Variants in MAD1L1 observed in about 807,000 individuals in gnomAD.
The protein encoded by MAD1L1 is mitotic arrest deficient 1 like 1, also known as mitotic spindle assembly checkpoint protein MAD1.
A neutral mutation model predicts 96.9 loss-of-function variants in MAD1L1; 95 were observed. The observed-to-expected ratio is 0.98, with a 90% CI of 0.83 to 1.16. The LOEUF (loss-of-function observed/expected upper bound fraction) is 1.16, where lower values mean the gene tolerates loss of function less well. Among genes scored for constraint, MAD1L1 ranks in the 50% most tolerant of loss-of-function variants. The probability of loss-of-function intolerance (pLI) is 0.00; values close to 1 mark genes in which losing one functional copy is unlikely to be tolerated. For synonymous variants in MAD1L1, 473 were observed against 396.6 expected (o/e 1.19, Z -2.29); for missense variants, 1,007 against 954.4 (o/e 1.06, Z -0.73).
intron 14 of MAD1L1, among the ~76,000 whole-genome samples, chr7:1,998,314 G>C (rs1032115321): frequency 1.3e-5 from 2 of 152,236 alleles, no homozygotes; most frequent in African/African-American, 2.4e-5. Flanking sequence ...CCGATGCCCG[G>C]GTCAAGATGC....
chr7:2,047,059 C>A (rs934538422), intron 12 of MAD1L1, among the ~76,000 whole-genome samples: 11 of 152,206 alleles, frequency 7.2e-5, no homozygotes, highest in Admixed American at 5.2e-4. Flanking sequence ...CTGGGTTGAA[C>A]TGTTTACTGC....
chr7:1,835,566 T>C (rs1189163691), intron 18 of MAD1L1, among the ~76,000 whole-genome samples: 5 of 152,214 alleles, frequency 3.3e-5, no homozygotes, highest in African/African-American at 4.8e-5. Flanking sequence ...TATCAAAATC[T>C]AAAATACTTG....
intron 18 of MAD1L1, among the ~76,000 whole-genome samples, chr7:1,889,662 GCT>G (rs1427401372): frequency 2.6e-5 from 4 of 152,254 alleles, no homozygotes; most frequent in Non-Finnish European, 5.9e-5. Flanking sequence ...ACCCAGCCAG[GCT>G]CTTGGAGTTA....
intron 18 of MAD1L1, among the ~76,000 whole-genome samples, chr7:1,897,204 C>T (rs763469458): frequency 1.5e-4 from 12 of 78,506 alleles, no homozygotes; most frequent in East Asian, 4.8e-4. Context: ...CGCTGTGAGA[C>T]GCTGACGGAC....
Position 2,213,378 on chromosome 7 carries a change from A to G in MAD1L1, c.925-105T>C, listed in dbSNP as rs1258059435. ...TGCTAAGTCCCTGACCTCTCAGGAG[A>G]GCCTGCCCTCATCTCTGAGCTGGGC... is the stretch of plus-strand genomic sequence containing the variant. On this transcript the variant is annotated intron_variant, in intron 9 of 18. Transcript: ENST00000265854. The G allele has an allele frequency of 9.5e-6, 10 of 1,056,322 alleles. No individual in the cohort carries two copies. In the East Asian group the frequency reaches 2.2e-4, roughly 23 times the overall value. The allele number at this position is 1,056,322 out of a possible 1,614,324, so 65.4% of individuals were successfully genotyped here. A position where few individuals can be genotyped will look rare whatever the true frequency, so the allele number is the denominator to read the frequency against.
At chr7:1,889,212 C>A (rs1449065249) in intron 18 of MAD1L1, among the ~76,000 whole-genome samples, 1 of 152,200 alleles carries the variant, frequency 6.6e-6, no homozygotes, top group East Asian at 1.9e-4. Flanking sequence ...GACATCCACA[C>A]CAAGGCAGTT....
At chr7:1,957,489 T>A (rs1219206040) in intron 16 of MAD1L1, 140 bp downstream of exon 16, 1 of 815,132 alleles carries the variant, frequency 1.2e-6, no homozygotes, top group Non-Finnish European at 1.9e-6. Context: ...GGCAAGGGGG[T>A]GCACATGGGA....
intron 16 of MAD1L1, among the ~76,000 whole-genome samples, chr7:1,952,264 A>G (rs1169229074): frequency 6.6e-6 from 1 of 152,218 alleles, no homozygotes; most frequent in Admixed American, 6.5e-5. Context: ...GAAAACGAGC[A>G]CCATCATAGA....
At chr7:2,165,716 G>A (rs1233398569) in intron 10 of MAD1L1, among the ~76,000 whole-genome samples, 1 of 137,656 alleles carries the variant, frequency 7.3e-6, no homozygotes, top group Non-Finnish European at 1.6e-5. Context: ...TGCTTTGCTA[G>A]GTGGCAGACT....
chr7:1,868,412 G>A (rs543688747), intron 18 of MAD1L1, among the ~76,000 whole-genome samples: 75 of 152,138 alleles, frequency 4.9e-4, no homozygotes, highest in Non-Finnish European at 8.8e-4. Flanking sequence ...CGCAGGCCGC[G>A]CCTCCCGGGC....
Position 1,914,311 on chromosome 7 carries a change from CG to C in MAD1L1, c.1808-15922del, listed in dbSNP as rs542669867. 1.7e-3 allele frequency among the ~76,000 whole-genome samples: 252 copies of C among 152,320 alleles called. 1 individual carries two copies. The highest frequency in any genetic ancestry group is 5.7e-3 in the African/African-American group (238 of 41,566). On this transcript the variant is annotated intron_variant, in intron 17 of 18. Coordinates refer to ENST00000265854, the MANE Select transcript of MAD1L1 (RefSeq NM_001013836.2). Reference sequence around the variant, plus strand: ...TGGGAAGGGACTCTGCAGATGTGTCCGGGGCAGGGATGGTGAGACCACGGGC... The same window carrying C: ...TGGGAAGGGACTCTGCAGATGTGTCCGGGCAGGGATGGTGAGACCACGGGC...
At chr7:2,063,249 C>T (rs994989570) in intron 12 of MAD1L1, among the ~76,000 whole-genome samples, 2 of 152,160 alleles carry the variant, frequency 1.3e-5, no homozygotes, top group African/African-American at 2.4e-5. Flanking sequence ...GACCTCACTG[C>T]GCCAAAATCT....
At chr7:2,097,253 C>CA (rs1408869962) in intron 11 of MAD1L1, among the ~76,000 whole-genome samples, 1 of 152,130 alleles carries the variant, frequency 6.6e-6, no homozygotes, top group African/African-American at 2.4e-5. Flanking sequence ...AGCACGCGCT[C>CA]ACCCCACTCA....
chr7:2,034,805 T>C (rs1326161010), intron 12 of MAD1L1, among the ~76,000 whole-genome samples: 1 of 152,234 alleles, frequency 6.6e-6, no homozygotes. Context: ...ATGCATGCCA[T>C]GTTCTTGGTG....
At chr7:2,052,106 C>T (rs1243020368) in intron 12 of MAD1L1, among the ~76,000 whole-genome samples, 6 of 152,154 alleles carry the variant, frequency 3.9e-5, no homozygotes, top group African/African-American at 1.2e-4. Context: ...CCAAGACCCA[C>T]GCTCCGCACA....
chr7:1,941,824 G>A (rs1231618054), intron 16 of MAD1L1, among the ~76,000 whole-genome samples: 1 of 152,216 alleles, frequency 6.6e-6, no homozygotes, highest in Non-Finnish European at 1.5e-5. Context: ...TCCATAACTG[G>A]TGGCGTGGAG....
At chr7:1,841,530 G>A (rs907328865) in intron 18 of MAD1L1, among the ~76,000 whole-genome samples, 3 of 152,224 alleles carry the variant, frequency 2.0e-5, no homozygotes, top group African/African-American at 4.8e-5. Flanking sequence ...GGCAGCTGTG[G>A]GCCCCAGGAT....
chr7:1,972,850 T>A (rs1241144143), intron 15 of MAD1L1, among the ~76,000 whole-genome samples: 3 of 152,126 alleles, frequency 2.0e-5, no homozygotes, highest in African/African-American at 4.8e-5. Flanking sequence ...CTTACTTAGA[T>A]GTGTGTATTT....
Position 2,088,153 on chromosome 7 carries a change from C to G in MAD1L1, c.1074-18815G>C, listed in dbSNP as rs972811078. On this transcript the variant is annotated intron_variant, in intron 11 of 18. Transcript: ENST00000265854. This position sits in a 1 kb window ranked among gnomAD's most constrained non-coding sequence, Gnocchi z 4.4. ...GGCTGAGTGGAAATATGGGGGCCCACGTGCATGGCCACAGAACAGTGGACG... is the reference window on the plus strand; with the variant it reads ...GGCTGAGTGGAAATATGGGGGCCCAGGTGCATGGCCACAGAACAGTGGACG... Among the ~76,000 whole-genome samples, 1 of 152,180 alleles carries G rather than the reference C, an allele frequency of 6.6e-6. No homozygotes were observed. Among genetic ancestry groups the G allele is most frequent in the Admixed American group, 6.5e-5 (1 of 15,274 alleles).
Sources: allele counts gnomAD v4.1 joint callset (sites outside exome capture counted in the v4.1 genomes callset), GRCh38; gene constraint gnomAD v4.1.1; non-coding constraint Gnocchi (gnomAD v3.1); transcripts MANE v1.5; gene names NCBI Gene and HGNC (gene_info 2026-07-23, HGNC 2026-07-21).